Variants in PRKN observed in about 807,000 individuals in gnomAD.
The protein encoded by PRKN is parkin RBR E3 ubiquitin protein ligase.
PRKN carries 56 observed loss-of-function variants against 59.5 expected under a neutral mutation model. The ratio of observed to expected loss-of-function variants is 0.94; its 90% CI spans 0.76 to 1.18. The LOEUF is 1.18. PRKN is among the 50% of genes most tolerant of loss of function. The pLI is 0.00. For missense variants in PRKN, 657 were observed against 596.4 expected, an observed-to-expected ratio of 1.10 and a Z score of -1.06; for synonymous variants, 250 against 222.1, an observed-to-expected ratio of 1.13 and a Z score of -1.12.
At chr6:162,670,950 A>C (rs908378975) in intron 1 of PRKN, among the ~76,000 whole-genome samples, 1 of 152,324 alleles carries the variant, frequency 6.6e-6, no homozygotes, top group South Asian at 2.1e-4. Flanking sequence ...ATAATGTTTA[A>C]CCAAGTAGGT....
At position 161,620,391 on chromosome 6, in the gene PRKN, C is replaced by T. The variant is rs979993254; in HGVS notation, c.872-50975G>A. On this transcript the variant is annotated intron_variant, in intron 7 of 11. Transcript: ENST00000366898. ...CATTGTCCCAAGACACCTTCTTCCT[C>T]GCCATTCTCAGGAAAATGAATGACG... Among the ~76,000 whole-genome samples the T allele has an allele frequency of 2.6e-5, 4 of 152,248 alleles. No homozygotes were observed. The East Asian group carries it at 7.7e-4, about 29-fold the overall frequency.
rs1165247669 is a variant in PRKN, at chr6:161,554,730, G to GTA, written c.934-5728_934-5727insTA. On this transcript the variant is annotated intron_variant, in intron 8 of 11. Coordinates refer to ENST00000366898, the MANE Select transcript of PRKN (RefSeq NM_004562.3). The surrounding 1 kb of genome is among the most constrained non-coding windows in gnomAD (Gnocchi z 4.5). ...ACAGGGATTGTGTGTGTGTGTGTGT[G>GTA]TGTGTATATATATATATATATATAC... Among the ~76,000 whole-genome samples the GTA allele has an allele frequency of 3.3e-3, 461 of 137,928 alleles. 2 individuals carry two copies. Among genetic ancestry groups the GTA allele is most frequent in the Non-Finnish European group, 4.5e-3 (285 of 63,942 alleles). 90.5% of individuals were successfully genotyped at this position (137,928 alleles called of 152,430 possible). A position where few individuals can be genotyped will look rare whatever the true frequency, so the allele number is the denominator to read the frequency against.
intron 7 of PRKN, among the ~76,000 whole-genome samples, chr6:161,750,098 CATATAT>C (rs72125109): frequency 9.6e-5 from 14 of 145,180 alleles, no homozygotes; most frequent in African/African-American, 3.4e-4. Flanking sequence ...ACACATAGGA[CATATAT>C]ATATATATAT....
intron 1 of PRKN, among the ~76,000 whole-genome samples, chr6:162,690,886 CAAATTTT>C (rs556847442): frequency 4.6e-3 from 638 of 140,126 alleles, no homozygotes; most frequent in Admixed American, 5.9e-3. Flanking sequence ...CTGATAATTT[CAAATTTT>C]AAATGCTACA....
intron 4 of PRKN, among the ~76,000 whole-genome samples, chr6:162,139,690 G>A (rs2128310464): frequency 6.6e-6 from 1 of 152,252 alleles, no homozygotes; most frequent in South Asian, 2.1e-4. Flanking sequence ...GTTTCATAAA[G>A]CAGAAACGTA....
At position 161,566,840 on chromosome 6, in the gene PRKN, A is replaced by G. The variant is rs562199769; in HGVS notation, c.933+2515T>C. Among the ~76,000 whole-genome samples, 3 of 152,244 alleles carry G rather than the reference A, an allele frequency of 2.0e-5. No individual in the cohort carries two copies. The East Asian group carries it at 5.8e-4, about 29-fold the overall frequency. On this transcript the variant is annotated intron_variant, in intron 8 of 11. Coordinates refer to ENST00000366898, the MANE Select transcript of PRKN (RefSeq NM_004562.3). This position sits in a 1 kb window ranked among gnomAD's most constrained non-coding sequence, Gnocchi z 4.1. ...TATTATGAATGTTAAAGCCAGGCAC[A>G]TGATCACATTGGAGCCTCTGTTGTT...
chr6:162,652,968 T>C (rs1583986896), intron 1 of PRKN, among the ~76,000 whole-genome samples: 1 of 152,166 alleles, frequency 6.6e-6, no homozygotes, highest in South Asian at 2.1e-4. Flanking sequence ...GTACCAAAAC[T>C]GTATAGCTTC....
chr6:161,535,273 A>C (rs1331844693), intron 9 of PRKN, among the ~76,000 whole-genome samples: 1 of 152,250 alleles, frequency 6.6e-6, no homozygotes, highest in Non-Finnish European at 1.5e-5. Context: ...TTAGAGGTCT[A>C]ATTTCTCATG....
chr6:161,512,603 T>C (rs1376057185), intron 9 of PRKN, among the ~76,000 whole-genome samples: 2 of 152,146 alleles, frequency 1.3e-5, no homozygotes, highest in African/African-American at 2.4e-5. Context: ...GGTGAATTGG[T>C]ATACAAGGTT....
intron 11 of PRKN, among the ~76,000 whole-genome samples, chr6:161,358,623 T>C (rs995261614): frequency 6.6e-6 from 1 of 151,844 alleles, no homozygotes; most frequent in African/African-American, 2.4e-5. Flanking sequence ...ATCTCTGTGC[T>C]TTACACCCTT....
chr6:161,716,014 T>C, intron 7 of PRKN: 1 of 903,464 alleles, frequency 1.1e-6, no homozygotes, highest in Non-Finnish European at 1.6e-6. Flanking sequence ...TAACAAGCTC[T>C]TCTGGGGAAT....
intron 1 of PRKN, among the ~76,000 whole-genome samples, chr6:162,567,281 A>T (rs1054082745): frequency 6.6e-6 from 1 of 152,178 alleles, no homozygotes; most frequent in Non-Finnish European, 1.5e-5. Context: ...GCAATCAGAA[A>T]AGAGAAAGAA....
At chr6:161,897,962 G>A (rs139824707) in intron 6 of PRKN, among the ~76,000 whole-genome samples, 1,159 of 5,126 alleles carry the variant, frequency 0.23, 52 homozygotes, top group East Asian at 0.47. Context: ...GCGAGACTCC[G>A]TCTCAAAAAA....
At chr6:161,365,018 A>G (rs1184889365) in intron 10 of PRKN, among the ~76,000 whole-genome samples, 1 of 152,146 alleles carries the variant, frequency 6.6e-6, no homozygotes, top group Non-Finnish European at 1.5e-5. Context: ...ATGCGCTGGC[A>G]TGATTCAGGC....
intron 2 of PRKN, among the ~76,000 whole-genome samples, chr6:162,435,569 T>C (rs1789729859): frequency 6.6e-6 from 1 of 152,198 alleles, no homozygotes; most frequent in African/African-American, 2.4e-5. Context: ...AAGTGAGCAT[T>C]TGCCCTGTAC....
intron 6 of PRKN, among the ~76,000 whole-genome samples, chr6:161,880,764 T>C (rs1454778429): frequency 3.3e-5 from 5 of 152,164 alleles, no homozygotes; most frequent in Non-Finnish European, 5.9e-5. Context: ...TTCATTTCCA[T>C]TGAAGAGTCG....
chr6:161,517,915 C>T (rs1390611027), intron 9 of PRKN, among the ~76,000 whole-genome samples: 1 of 152,078 alleles, frequency 6.6e-6, no homozygotes, highest in Non-Finnish European at 1.5e-5. Flanking sequence ...TACCTGGGAC[C>T]TTTCTGTGCT....
intron 1 of PRKN, among the ~76,000 whole-genome samples, chr6:162,725,049 T>C (rs1779080558): frequency 6.6e-6 from 1 of 152,210 alleles, no homozygotes. Flanking sequence ...CCACCTCCGT[T>C]TGTGAAGTGT....
rs1777827860 is a variant in PRKN, at chr6:161,498,287, T to A, written c.1083+50567A>T. Reference sequence around the variant, plus strand: ...AATAAATGGAATATTTAGCTTTTTATAATTAGTGTTTGTATTTATTACATT... The same window carrying A: ...AATAAATGGAATATTTAGCTTTTTAAAATTAGTGTTTGTATTTATTACATT... On this transcript the variant is annotated intron_variant, in intron 9 of 11. Transcript: ENST00000366898. This position sits in a 1 kb window ranked among gnomAD's most constrained non-coding sequence, Gnocchi z 4.2. Among the ~76,000 whole-genome samples the A allele has an allele frequency of 6.6e-6, 1 of 152,240 alleles. No individual in the cohort carries two copies. Among genetic ancestry groups the A allele is most frequent in the Non-Finnish European group, 1.5e-5 (1 of 68,044 alleles).
Sources: gnomAD v4.1 joint callset for allele counts (sites outside exome capture counted in the v4.1 genomes callset) on GRCh38, gnomAD v4.1.1 for gene constraint, Gnocchi (gnomAD v3.1) non-coding constraint, MANE v1.5 for transcripts, NCBI Gene and HGNC (gene_info 2026-07-23, HGNC 2026-07-21) for gene names.